The following ZBP1 variants were observed in gnomAD, a reference collection of about 807,000 sequenced individuals.
The protein encoded by ZBP1 is Z-DNA-binding protein 1.
In ZBP1, 42 loss-of-function variants were observed where a neutral mutation model predicts 41.1. That is an observed-to-expected ratio of 1.02 (90% CI 0.80 to 1.32). ZBP1 has a LOEUF of 1.32. Ranked by LOEUF, ZBP1 falls within the 40% of genes most tolerant of loss-of-function variation. The pLI is 0.00. For missense variants in ZBP1, 562 were observed against 549.7 expected (o/e 1.02, Z -0.22); for synonymous variants, 214 against 205.2 (o/e 1.04, Z -0.37).
In ZBP1 at chr20:57,610,787, T is replaced by C. The variant is rs1025048273; in HGVS notation, c.875-420A>G. 2.3e-5 allele frequency: 6 copies of C among 266,584 alleles called. No individual in the cohort carries two copies. The highest frequency in any genetic ancestry group is 4.4e-5 in the Non-Finnish European group (6 of 136,028). The allele number at this position is 266,584 out of a possible 1,614,324, so 16.5% of individuals were successfully genotyped here. ...CTCTGCCCTTTCCCACCCAAACTTC[T>C]GAAGAATCATCCACACTGAGTCCCG... is the stretch of plus-strand genomic sequence containing the variant. On this transcript the variant is annotated intron_variant, in intron 6 of 7. Coordinates refer to ENST00000371173, the MANE Select transcript of ZBP1 (RefSeq NM_030776.3). The surrounding 1 kb of genome is among the most constrained non-coding windows in gnomAD (Gnocchi z 5.5).
In ZBP1 at chr20:57,610,076, G is replaced by A. The variant is rs742724; in HGVS notation, c.1093+73C>T. On this transcript the variant is annotated intron_variant, in intron 7 of 7. Coordinates refer to ENST00000371173, the MANE Select transcript of ZBP1 (RefSeq NM_030776.3). The surrounding 1 kb of genome is among the most constrained non-coding windows in gnomAD (Gnocchi z 5.5). Reference sequence around the variant, plus strand: ...AGAGATTAGCGAATGATCGATGAGAGTGAATGAATGAATGAGTGGAAGGTG... The same window carrying A: ...AGAGATTAGCGAATGATCGATGAGAATGAATGAATGAATGAGTGGAAGGTG... 0.11 allele frequency: 152,238 copies of A among 1,438,706 alleles called. 9,076 individuals carry two copies. Among genetic ancestry groups the A allele is most frequent in the African/African-American group, 0.22 (15,621 of 71,324 alleles). 89.1% of individuals were successfully genotyped at this position (1,438,706 alleles called of 1,614,324 possible).
intron 7 of ZBP1, among the ~76,000 whole-genome samples, chr20:57,609,760 C>T (rs2070599590): frequency 6.6e-6 from 1 of 152,106 alleles, no homozygotes; most frequent in Admixed American, 6.5e-5. Context: ...CTCTCTCGGG[C>T]CCAAAACAAT....
At chr20:57,620,118 G>C (rs1208736626) in intron 1 of ZBP1, 144 bp downstream of exon 1, 2 of 1,008,270 alleles carry the variant, frequency 2.0e-6, no homozygotes, top group African/African-American at 3.3e-5. Context: ...TTACAGGCGT[G>C]AGCCACCACG....
chr20:57,616,141 C>G, intron 2 of ZBP1, 103 bp downstream of exon 2: 1 of 1,064,696 alleles, frequency 9.4e-7, no homozygotes, highest in Non-Finnish European at 1.4e-6. Flanking sequence ...TGTGAGCTCC[C>G]ATGTGGCAGA....
intron 1 of ZBP1, among the ~76,000 whole-genome samples, chr20:57,618,998 C>T (rs938571716): frequency 7.9e-5 from 12 of 152,318 alleles, no homozygotes; most frequent in South Asian, 2.1e-4. Context: ...GGGCTGGCCT[C>T]GACTGCTGAG....
At position 57,610,697 on chromosome 20, in the gene ZBP1, TG is replaced by T. The variant is rs1013514619; in HGVS notation, c.875-331del. The stretch of plus-strand genomic sequence containing the variant: ...CCTGCTTCCCACTGCACTGGAACAC[TG>T]GCCCCCACTTTTGGTTGAAATCTTA... On this transcript the variant is annotated intron_variant, in intron 6 of 7. Transcript: ENST00000371173. This position sits in a 1 kb window ranked among gnomAD's most constrained non-coding sequence, Gnocchi z 5.5. 2 of 395,248 alleles carry T rather than the reference TG, an allele frequency of 5.1e-6. No homozygotes were observed. The highest frequency in any genetic ancestry group is 4.1e-5 in the African/African-American group (2 of 49,202). 24.5% of individuals were successfully genotyped at this position (395,248 alleles called of 1,614,324 possible).
At chr20:57,619,186 C>T (rs79998797) in intron 1 of ZBP1, among the ~76,000 whole-genome samples, 62 of 152,332 alleles carry the variant, frequency 4.1e-4, no homozygotes, top group Non-Finnish European at 6.9e-4. Flanking sequence ...AGGACCTCCG[C>T]GGTCAGCCCG....
chr20:57,615,120 C>T lies in ZBP1; in HGVS notation c.329-60G>A, dbSNP rs573222820. ...GTCCTAGGGTTTGCATCTGCCCCAC[C>T]GCTTCCTAGCTGTGTGGCCCTGGAC... is the stretch of plus-strand genomic sequence containing the variant. On this transcript the variant is annotated intron_variant, in intron 3 of 7. Transcript: ENST00000371173. 4.8e-4 allele frequency: 755 copies of T among 1,570,070 alleles called. 9 individuals are homozygous for T. The South Asian group carries it at 6.6e-3, about 14-fold the overall frequency.
Position 57,611,946 on chromosome 20 carries a change from G to A in ZBP1, c.671-16C>T. On this transcript the variant is annotated splice_polypyrimidine_tract_variant and intron_variant, in intron 5 of 7. Transcript: ENST00000371173. ...CCGGCGGAACCTGGCAGGGGACAGTGGCACAGCCTCACCGGAGATTACTGC... is the reference window on the plus strand; with the variant it reads ...CCGGCGGAACCTGGCAGGGGACAGTAGCACAGCCTCACCGGAGATTACTGC... 1 of 1,551,476 alleles carries A rather than the reference G, an allele frequency of 6.4e-7. No individual in the cohort carries two copies. Among genetic ancestry groups the A allele is most frequent in the Non-Finnish European group, 8.7e-7 (1 of 1,146,626 alleles).
At chr20:57,612,047 C>T in intron 5 of ZBP1, 117 bp from the exon 6 acceptor site, 1 of 1,144,842 alleles carries the variant, frequency 8.7e-7, no homozygotes, top group Non-Finnish European at 1.2e-6. Context: ...GAACTGGCGG[C>T]CAAAGACTTC....
rs2070648847 is a variant in ZBP1 at position 57,610,908 on chromosome 20, T to C, written c.875-541A>G. 6.6e-6 allele frequency among the ~76,000 whole-genome samples: 1 copy of C among 151,920 alleles called. No individual in the cohort carries two copies. Among genetic ancestry groups the C allele is most frequent in the Non-Finnish European group, 1.5e-5 (1 of 67,982 alleles). ...CCTCTCGCTGAACCCCACAGATGCT[T>C]CCCTGGTCTCACCAGCCTGGCCCCT... On this transcript the variant is annotated intron_variant, in intron 6 of 7. Transcript: ENST00000371173. The surrounding 1 kb of genome is among the most constrained non-coding windows in gnomAD (Gnocchi z 5.5).
At chr20:57,612,128 C>T (rs886602496) in intron 5 of ZBP1, among the ~76,000 whole-genome samples, 198 bp from the exon 6 acceptor site, 4 of 152,032 alleles carry the variant, frequency 2.6e-5, no homozygotes, top group Non-Finnish European at 5.9e-5. Context: ...TTCTCAGGAG[C>T]GGGGCTGGTC....
chr20:57,608,037 A>G (rs1475847150), intron 7 of ZBP1, among the ~76,000 whole-genome samples: 1 of 152,136 alleles, frequency 6.6e-6, no homozygotes, highest in Non-Finnish European at 1.5e-5. Flanking sequence ...TGGGTGGGTC[A>G]GGGCAAGGGG....
Position 57,610,154 on chromosome 20 carries a change from T to A in ZBP1, c.1088A>T (p.Asp363Val), listed in dbSNP as rs1178123557. 2 of 1,613,462 alleles carry A rather than the reference T, an allele frequency of 1.2e-6. No individual in the cohort carries two copies. The change falls in exon 7 of 8, where the codon GAC becomes GTC. Residue 363 changes from aspartate to valine, a missense_variant. Physicochemically the swap from Asp to Val is radical, Grantham distance 152. Transcript: ENST00000371173. This position sits in a 1 kb window ranked among gnomAD's most constrained non-coding sequence, Gnocchi z 5.5. ...CACTCTGCCCCCTAGCTCACCTGCG[T>A]CCTCCCCTGGCTCCCCCTCTCCAGA... ...AGSGEGEPGEDAGRRPADTQS... is the reference protein window; with the variant it reads ...AGSGEGEPGEVAGRRPADTQS...
chr20:57,616,190 A>G (rs989482278), intron 2 of ZBP1, 54 bp downstream of exon 2: 5 of 1,545,920 alleles, frequency 3.2e-6, no homozygotes, highest in South Asian at 1.1e-5. Flanking sequence ...GTGCTTGTCC[A>G]TTGCCAGGAT....
intron 2 of ZBP1, 62 bp from the exon 3 acceptor site, chr20:57,615,642 C>T (rs560510102): frequency 2.0e-6 from 3 of 1,487,812 alleles, no homozygotes; most frequent in African/African-American, 2.8e-5. Flanking sequence ...GCCTCCACCC[C>T]ACAAAGGTGG....
chr20:57,619,730 A>G (rs979055109), intron 1 of ZBP1, among the ~76,000 whole-genome samples: 2 of 152,106 alleles, frequency 1.3e-5, no homozygotes, highest in Non-Finnish European at 2.9e-5. Flanking sequence ...TGGGAATGAC[A>G]TGGCACTTGT....
At chr20:57,611,390 G>A (rs1197800623) in intron 6 of ZBP1, among the ~76,000 whole-genome samples, 3 of 141,722 alleles carry the variant, frequency 2.1e-5, no homozygotes, top group Non-Finnish European at 4.5e-5. Context: ...GACTACAGGC[G>A]CAAGCCACCA....
chr20:57,615,204 A>G, intron 3 of ZBP1, 144 bp from the exon 4 acceptor site: 2 of 918,992 alleles, frequency 2.2e-6, no homozygotes, highest in Non-Finnish European at 3.4e-6. Context: ...TAACGGGGTC[A>G]TCATGACGCA....
Sources: allele counts gnomAD v4.1 joint callset (sites outside exome capture counted in the v4.1 genomes callset), GRCh38; gene constraint gnomAD v4.1.1; non-coding constraint Gnocchi (gnomAD v3.1); transcripts MANE v1.5; gene names NCBI Gene and HGNC (gene_info 2026-07-23, HGNC 2026-07-21).